The following SPINK9 variants were observed in gnomAD, a reference collection of about 807,000 sequenced individuals.
SPINK9 encodes serine protease inhibitor Kazal-type 9.
Under a neutral mutation model 10.8 loss-of-function variants are expected in SPINK9, and 3 were observed. The ratio of observed to expected loss-of-function variants is 0.28; its 90% CI spans 0.13 to 0.72. SPINK9 has a LOEUF of 0.72. Ranked by LOEUF, SPINK9 falls within the 30% of genes least tolerant of loss-of-function variation. The pLI is 0.74. For missense variants in SPINK9, 101 were observed against 103.2 expected (o/e 0.98, Z 0.09); for synonymous variants, 30 against 31.2 (o/e 0.96, Z 0.12).
At chr5:148,331,299 G>A (rs569937464), upstream of SPINK9, among the ~76,000 whole-genome samples, 2 of 152,208 alleles carry the variant, frequency 1.3e-5, no homozygotes, top group Non-Finnish European at 2.9e-5. Flanking sequence ...CTTAAAAGAA[G>A]GATATTCTGT....
In SPINK9 at chr5:148,339,741, T is replaced by C. The variant is rs1328910863; in HGVS notation, c.*29T>C. Reference sequence around the variant, plus strand: ...TATCTTGTGAGTCCAAAATATCTTTTAATGCATCTATTCACAAGAGTCACA... The same window carrying C: ...TATCTTGTGAGTCCAAAATATCTTTCAATGCATCTATTCACAAGAGTCACA... On this transcript the variant is annotated 3_prime_UTR_variant, in exon 4 of 4. Transcript: ENST00000377906. 6.4e-7 allele frequency: 1 copy of C among 1,559,828 alleles called. No homozygotes were observed.
chr5:148,330,300 C>T (rs1387026816), intron 2 of SPINK9, among the ~76,000 whole-genome samples: 1 of 152,106 alleles, frequency 6.6e-6, no homozygotes, highest in Non-Finnish European at 1.5e-5. Flanking sequence ...GATTTAAAGT[C>T]TGTTTTATCC....
intron 2 of SPINK9, among the ~76,000 whole-genome samples, chr5:148,336,852 T>A (rs1225469065): frequency 6.6e-6 from 1 of 152,200 alleles, no homozygotes; most frequent in Non-Finnish European, 1.5e-5. Context: ...GTTCTCTGTC[T>A]TAGAAAATAA....
chr5:148,329,461 CG>C (rs1757117849), intron 2 of SPINK9, among the ~76,000 whole-genome samples: 1 of 151,618 alleles, frequency 6.6e-6, no homozygotes, highest in Admixed American at 6.6e-5. Context: ...AACCAGCTCC[CG>C]GATTCACTGA....
chr5:148,332,840 T>C (rs1160360509), upstream of SPINK9, among the ~76,000 whole-genome samples: 2 of 152,200 alleles, frequency 1.3e-5, no homozygotes, highest in Admixed American at 6.5e-5. Flanking sequence ...AGTCAGTGAA[T>C]AAAGGTCATC....
chr5:148,328,390 A>C (rs1407006472), intron 2 of SPINK9, among the ~76,000 whole-genome samples: 1 of 152,192 alleles, frequency 6.6e-6, no homozygotes, highest in African/African-American at 2.4e-5. Context: ...TATCAGCTTA[A>C]GGAGATTTTG....
upstream of SPINK9, among the ~76,000 whole-genome samples, chr5:148,331,163 C>A (rs1049365797): frequency 6.6e-6 from 1 of 152,216 alleles, no homozygotes; most frequent in African/African-American, 2.4e-5. Context: ...CAGAAATCAC[C>A]CATCTTCTGT....
At chr5:148,330,830 G>A (rs2113417270), upstream of SPINK9, among the ~76,000 whole-genome samples, 1 of 152,192 alleles carries the variant, frequency 6.6e-6, no homozygotes, top group South Asian at 2.1e-4. Flanking sequence ...GTTGAATATT[G>A]GCCCCCACTC....
chr5:148,326,816 AT>A (rs201934726), intron 2 of SPINK9, among the ~76,000 whole-genome samples: 4,393 of 152,114 alleles, frequency 0.029, 194 homozygotes, highest in African/African-American at 0.1. Flanking sequence ...TTCCAGCTTC[AT>A]CCATGTCCCT....
intron 2 of SPINK9, among the ~76,000 whole-genome samples, chr5:148,329,698 T>C (rs1224666151): frequency 6.6e-6 from 1 of 152,218 alleles, no homozygotes; most frequent in Non-Finnish European, 1.5e-5. Flanking sequence ...GATTCTGGTA[T>C]GTTGTGTCTT....
rs1395987543 is a variant in SPINK9, at chr5:148,321,401, G to A, written c.-73+1G>A. The A allele has an allele frequency of 6.6e-6, 1 of 152,056 alleles. No homozygotes were observed. Among genetic ancestry groups the A allele is most frequent in the African/African-American group, 2.4e-5 (1 of 41,414 alleles). The allele number at this position is 152,056 out of a possible 1,614,324, so 9.4% of individuals were successfully genotyped here. On this transcript the variant is annotated splice_donor_variant, in intron 1 of 4. Transcript: ENST00000511717. LOFTEE classifies it low-confidence loss of function (5UTR_SPLICE). ...CCGATGCGATCAACTGGAAGAAAGGGTATCAGTGATGGAAGATGAAATGAA... is the reference window on the plus strand; with the variant it reads ...CCGATGCGATCAACTGGAAGAAAGGATATCAGTGATGGAAGATGAAATGAA...
upstream of SPINK9, among the ~76,000 whole-genome samples, chr5:148,331,270 C>G (rs1466577705): frequency 6.6e-6 from 1 of 152,188 alleles, no homozygotes; most frequent in Non-Finnish European, 1.5e-5. Flanking sequence ...GTGATATACA[C>G]AATGGAATAT....
In SPINK9 at chr5:148,335,631, A is replaced by G. The variant is rs775848202; in HGVS notation, c.18A>G (p.Ile6Met). MRATA[I>M]VLLLALTLAT... ...TCAGTACTATGAGAGCAACAGCCATAGTCCTACTCTTGGCTCTGACACTTG... is the reference window on the plus strand; with the variant it reads ...TCAGTACTATGAGAGCAACAGCCATGGTCCTACTCTTGGCTCTGACACTTG... The change falls in exon 1 of 4, where the codon ATA becomes ATG. Residue 6 changes from isoleucine to methionine, a missense_variant. By Grantham distance (10) the Ile-to-Met change is conservative. Transcript: ENST00000377906. 2.5e-5 allele frequency: 41 copies of G among 1,613,584 alleles called. No individual in the cohort carries two copies. Among genetic ancestry groups the G allele is most frequent in the Non-Finnish European group, 3.4e-5 (40 of 1,179,844 alleles).
chr5:148,328,111 C>A (rs1317142372), intron 2 of SPINK9, among the ~76,000 whole-genome samples: 1 of 152,202 alleles, frequency 6.6e-6, no homozygotes, highest in Non-Finnish European at 1.5e-5. Flanking sequence ...TGGCCATTTT[C>A]ACAATATTGA....
At chr5:148,331,937 G>A (rs1192784074), upstream of SPINK9, among the ~76,000 whole-genome samples, 2 of 152,150 alleles carry the variant, frequency 1.3e-5, no homozygotes, top group Non-Finnish European at 2.9e-5. Context: ...TAGGGAATAT[G>A]TTGAATCTGT....
At chr5:148,329,754 T>C (rs201409520) in intron 2 of SPINK9, among the ~76,000 whole-genome samples, 2,601 of 152,210 alleles carry the variant, frequency 0.017, 70 homozygotes, top group East Asian at 0.068. Flanking sequence ...GCCTTCATTT[T>C]GTTATGTACC....
chr5:148,321,531 A>C (rs1328389262), intron 1 of SPINK9: 3 of 151,736 alleles, frequency 2.0e-5, no homozygotes, highest in African/African-American at 7.3e-5. Flanking sequence ...ATTAAGCTAG[A>C]AAGCATAGGT....
At chr5:148,338,235 A>T (rs1174655056) in intron 2 of SPINK9, among the ~76,000 whole-genome samples, 1 of 152,146 alleles carries the variant, frequency 6.6e-6, no homozygotes. Context: ...GTGAGAAAAA[A>T]ATCTATTTTT....
intron 1 of SPINK9, among the ~76,000 whole-genome samples, chr5:148,322,429 T>G (rs1389870678): frequency 6.6e-6 from 1 of 152,122 alleles, no homozygotes; most frequent in South Asian, 2.1e-4. Flanking sequence ...CTGTCAGGAA[T>G]GGAAGAGAGC....
Sources: allele counts gnomAD v4.1 joint callset (sites outside exome capture counted in the v4.1 genomes callset), GRCh38; gene constraint gnomAD v4.1.1; transcripts MANE v1.5; gene names NCBI Gene and HGNC (gene_info 2026-07-23, HGNC 2026-07-21).